The following ZNF326 variants were observed in gnomAD, a reference collection of about 807,000 sequenced individuals.
ZNF326 encodes the protein zinc finger protein 326, also known as DBIRD complex subunit ZNF326.
ZNF326 carries 30 observed loss-of-function variants against 63.1 expected under a neutral mutation model. The ratio of observed to expected loss-of-function variants is 0.48; its 90% CI spans 0.36 to 0.64. The LOEUF (loss-of-function observed/expected upper bound fraction) is 0.64, where lower values mean the gene tolerates loss of function less well. Ranked by LOEUF, ZNF326 falls within the 30% of genes least tolerant of loss-of-function variation. ZNF326 has a pLI of 0.00. For missense variants in ZNF326, 609 were observed against 720.3 expected (o/e 0.85, Z 1.77); for synonymous variants, 194 against 228.2 (o/e 0.85, Z 1.35).
At chr1:90,012,983 C>T (rs1649325655) in intron 6 of ZNF326, 143 bp from the exon 7 acceptor site, 1 of 559,582 alleles carries the variant, frequency 1.8e-6, no homozygotes, top group Non-Finnish European at 3.0e-6. Flanking sequence ...TGGATAGTCT[C>T]AAACTCCGAT....
At chr1:90,013,088 A>C in intron 6 of ZNF326, 38 bp from the exon 7 acceptor site, 1 of 1,542,224 alleles carries the variant, frequency 6.5e-7, no homozygotes, top group Non-Finnish European at 8.9e-7. Context: ...GAATGGAAAA[A>C]TGAATTTTAG....
rs750685755 is a variant in ZNF326, at chr1:90,027,751, A to T, written c.*50A>T. The T allele has an allele frequency of 7.7e-6, 12 of 1,566,204 alleles. 1 individual carries two copies. In the Admixed American group the frequency reaches 1.7e-4, roughly 23 times the overall value. On this transcript the variant is annotated 3_prime_UTR_variant, in exon 12 of 12. Transcript: ENST00000340281. ...AGCTTTACATTTCGGTTCTAATGTA[A>T]AAAAGGGTAAGAAATTTAATAGCTT...
At chr1:90,024,981 T>G (rs1344921110) in intron 11 of ZNF326, among the ~76,000 whole-genome samples, 6 of 15,330 alleles carry the variant, frequency 3.9e-4, no homozygotes, top group Non-Finnish European at 5.8e-4. Context: ...TTTTTTCCTG[T>G]TTTTTTTTTT....
intron 9 of ZNF326, among the ~76,000 whole-genome samples, chr1:90,019,089 T>G (rs55916302): frequency 1.3e-5 from 2 of 152,170 alleles, no homozygotes; most frequent in African/African-American, 4.8e-5. Context: ...TTATGAAATC[T>G]TCTGTTTTTT....
chr1:89,998,225 A>G lies in ZNF326; in HGVS notation c.61+71A>G, dbSNP rs1483856197. ...AGTATCAATGTAAAAGGCCAGTTCT[A>G]CCTATTTCAGTCCTTGTTTTGGTTC... On this transcript the variant is annotated intron_variant, in intron 2 of 11. Coordinates refer to ENST00000340281, the MANE Select transcript of ZNF326 (RefSeq NM_182976.4). 5.5e-6 allele frequency: 8 copies of G among 1,461,512 alleles called. No individual in the cohort carries two copies. In the East Asian group the frequency reaches 6.8e-5, roughly 12 times the overall value. 90.5% of individuals were successfully genotyped at this position (1,461,512 alleles called of 1,614,324 possible).
intron 4 of ZNF326, chr1:90,006,555 T>A (rs890795360): frequency 1.3e-6 from 1 of 790,062 alleles, no homozygotes. Flanking sequence ...TTTAGGGTAG[T>A]TTTATGTGAT....
intron 2 of ZNF326, among the ~76,000 whole-genome samples, chr1:90,003,424 G>A (rs1253496092): frequency 2.0e-5 from 3 of 152,094 alleles, no homozygotes; most frequent in Non-Finnish European, 4.4e-5. Flanking sequence ...GAGCCACCGC[G>A]CCCAGCAACT....
Position 90,027,447 on chromosome 1 carries a change from G to T in ZNF326, c.1495G>T (p.Glu499Ter). 1 of 1,613,564 alleles carries T rather than the reference G, an allele frequency of 6.2e-7. No individual in the cohort carries two copies. The highest frequency in any genetic ancestry group is 8.5e-7 in the Non-Finnish European group (1 of 1,179,632). ...DEEKIDEPIE[E>*]EEDEDEEEEA... Reference sequence around the variant, plus strand: ...AGAGAAGATTGATGAACCTATTGAAGAAGAGGAGGATGAAGATGAGGAAGA... The same window carrying T: ...AGAGAAGATTGATGAACCTATTGAATAAGAGGAGGATGAAGATGAGGAAGA... The change falls in exon 12 of 12, where the codon GAA becomes TAA. Residue 499 changes from glutamate to a stop codon, truncating the protein, a stop_gained. Coordinates refer to ENST00000340281, the MANE Select transcript of ZNF326 (RefSeq NM_182976.4). LOFTEE classifies it low-confidence loss of function (END_TRUNC).
At chr1:89,997,800 C>G (rs1179769799) in intron 1 of ZNF326, among the ~76,000 whole-genome samples, 1 of 152,198 alleles carries the variant, frequency 6.6e-6, no homozygotes, top group Admixed American at 6.5e-5. Flanking sequence ...ATCTATCTGC[C>G]TTTGTGTTAC....
intron 11 of ZNF326, among the ~76,000 whole-genome samples, chr1:90,024,037 G>A (rs891937588): frequency 2.6e-5 from 4 of 152,040 alleles, no homozygotes; most frequent in African/African-American, 9.7e-5. Context: ...GAAGCACTGG[G>A]GTCACATTAC....
intron 4 of ZNF326, chr1:90,005,833 T>C (rs2101061194): frequency 5.1e-6 from 5 of 985,512 alleles, no homozygotes; most frequent in South Asian, 4.7e-5. Flanking sequence ...GCACTTGTGC[T>C]CTAGGCTAGA....
At chr1:89,997,417 A>T in intron 1 of ZNF326, among the ~76,000 whole-genome samples, 1 of 151,942 alleles carries the variant, frequency 6.6e-6, no homozygotes, top group East Asian at 1.9e-4. Context: ...TCTGTCGCCC[A>T]GGCTGGAGTG....
chr1:90,017,276 A>C (rs1649543097), intron 7 of ZNF326, 41 bp from the exon 8 acceptor site: 2 of 1,405,228 alleles, frequency 1.4e-6, no homozygotes. Context: ...TTATAGTTGA[A>C]TAAAGTAATA....
At position 90,010,037 on chromosome 1, in the gene ZNF326, T is replaced by C. The variant is rs757020540; in HGVS notation, c.616-51T>C. 8 of 1,542,370 alleles carry C rather than the reference T, an allele frequency of 5.2e-6. No homozygotes were observed. The East Asian group carries it at 1.8e-4, about 35-fold the overall frequency. On this transcript the variant is annotated intron_variant, in intron 5 of 11. Coordinates refer to ENST00000340281, the MANE Select transcript of ZNF326 (RefSeq NM_182976.4). ...AACATGAAAATTTTATATGAATTCA[T>C]ATTTTTTCTTGGACAATATGCTAAT... is the stretch of plus-strand genomic sequence containing the variant.
intron 11 of ZNF326, among the ~76,000 whole-genome samples, chr1:90,025,087 T>C (rs1395154235): frequency 2.7e-5 from 4 of 150,916 alleles, no homozygotes; most frequent in African/African-American, 9.7e-5. Flanking sequence ...TATTTTATCA[T>C]CTTGTCTCTT....
intron 7 of ZNF326, among the ~76,000 whole-genome samples, chr1:90,013,970 C>A (rs1570309343): frequency 6.6e-6 from 1 of 151,722 alleles, no homozygotes; most frequent in Non-Finnish European, 1.5e-5. Context: ...GAGGCTGAGG[C>A]GGGACGATGG....
chr1:90,019,357 G>A (rs1335052826), intron 9 of ZNF326, among the ~76,000 whole-genome samples: 1 of 152,060 alleles, frequency 6.6e-6, no homozygotes, highest in Non-Finnish European at 1.5e-5. Flanking sequence ...ATTACATTAA[G>A]CTAATTAAAC....
intron 4 of ZNF326, chr1:90,006,065 A>G (rs1013502014): frequency 1.7e-5 from 17 of 985,322 alleles, no homozygotes; most frequent in African/African-American, 1.4e-4. Context: ...ATCCTTCTGC[A>G]TAAATTGAAG....
chr1:90,019,030 T>TA (rs757004451), intron 9 of ZNF326, among the ~76,000 whole-genome samples: 9 of 152,186 alleles, frequency 5.9e-5, no homozygotes, highest in Non-Finnish European at 1.2e-4. Flanking sequence ...AGATGAAAGA[T>TA]ACTTCTCTCT....
Sources: allele counts gnomAD v4.1 joint callset (sites outside exome capture counted in the v4.1 genomes callset), GRCh38; gene constraint gnomAD v4.1.1; transcripts MANE v1.5; gene names NCBI Gene and HGNC (gene_info 2026-07-23, HGNC 2026-07-21).